The following MS4A15 variants were observed in gnomAD, a reference collection of about 807,000 sequenced individuals.
MS4A15 encodes the protein membrane spanning 4-domains A15.
MS4A15 carries 22 observed loss-of-function variants against 20.6 expected under a neutral mutation model. The observed-to-expected ratio is 1.07, with a 90% confidence interval of 0.76 to 1.52. MS4A15 has a LOEUF of 1.52. Among genes scored for constraint, MS4A15 ranks in the 40% most tolerant of loss-of-function variants. MS4A15 has a pLI of 0.00. For missense variants in MS4A15, 312 were observed against 323.0 expected, an observed-to-expected ratio of 0.97 and a Z score of 0.26; for synonymous variants, 129 against 129.3, an observed-to-expected ratio of 1.00 and a Z score of 0.02.
chr11:60,767,375 G>A (rs745889254), intron 2 of MS4A15, among the ~76,000 whole-genome samples, 158 bp from the exon 3 acceptor site: 1 of 152,220 alleles, frequency 6.6e-6, no homozygotes, highest in Non-Finnish European at 1.5e-5. Flanking sequence ...GTGTCTATTG[G>A]TTTCTGTAAT....
At chr11:60,764,299 G>T (rs1189501909) in intron 2 of MS4A15, among the ~76,000 whole-genome samples, 1 of 152,200 alleles carries the variant, frequency 6.6e-6, no homozygotes, top group Non-Finnish European at 1.5e-5. Context: ...CAAGGGAATA[G>T]CTAGTGGAAG....
intron 1 of MS4A15, among the ~76,000 whole-genome samples, chr11:60,761,852 A>G (rs1853749812): frequency 6.6e-6 from 1 of 152,232 alleles, no homozygotes; most frequent in Non-Finnish European, 1.5e-5. Context: ...TATAGAGCAG[A>G]ATCAATCCTT....
chr11:60,766,817 T>C (rs541948430), intron 2 of MS4A15, among the ~76,000 whole-genome samples: 3 of 152,354 alleles, frequency 2.0e-5, no homozygotes, highest in Middle Eastern at 3.4e-3. Context: ...TGGTGAGTAC[T>C]GGTCACTGGA....
chr11:60,762,694 A>C (rs942428978), intron 1 of MS4A15, among the ~76,000 whole-genome samples: 2 of 152,204 alleles, frequency 1.3e-5, no homozygotes, highest in Non-Finnish European at 1.5e-5. Context: ...ATAAAAGCTT[A>C]CCTCGCTTTA....
intron 2 of MS4A15, among the ~76,000 whole-genome samples, chr11:60,764,171 A>T (rs1853824515): frequency 1.3e-5 from 2 of 152,204 alleles, no homozygotes; most frequent in Non-Finnish European, 2.9e-5. Flanking sequence ...CTCCAAAGAG[A>T]AAAGTAAGGT....
intron 1 of MS4A15, among the ~76,000 whole-genome samples, chr11:60,758,444 A>G (rs1853645408): frequency 6.6e-6 from 1 of 152,244 alleles, no homozygotes. Flanking sequence ...AAGGATTGTC[A>G]GACAGCAATA....
chr11:60,768,735 A>G (rs1348838291), intron 3 of MS4A15, among the ~76,000 whole-genome samples: 1 of 152,232 alleles, frequency 6.6e-6, no homozygotes, highest in Non-Finnish European at 1.5e-5. Flanking sequence ...TGGTGAGTGG[A>G]TTACTAACGC....
intron 1 of MS4A15, among the ~76,000 whole-genome samples, chr11:60,760,961 A>G (rs2057080623): frequency 6.6e-6 from 1 of 152,160 alleles, no homozygotes; most frequent in Non-Finnish European, 1.5e-5. Flanking sequence ...TCTGGGGGTA[A>G]TTGGGAAAAC....
intron 1 of MS4A15, among the ~76,000 whole-genome samples, chr11:60,758,074 A>C (rs1430702753): frequency 6.6e-6 from 1 of 152,208 alleles, no homozygotes; most frequent in Non-Finnish European, 1.5e-5. Flanking sequence ...CAGCTGCAGA[A>C]TATACTGTGT....
rs973520089 is a variant in MS4A15 at position 60,773,943 on chromosome 11, C to T, written c.605C>T (p.Ala202Val). The T allele has an allele frequency of 1.9e-6, 3 of 1,613,170 alleles. No individual in the cohort carries two copies. The African/African-American group carries it at 4.0e-5, about 22-fold the overall frequency. Residue 202 changes from alanine (A) to valine (V), a missense_variant, in exon 6 of 7, where the codon GCC (alanine) becomes GTC (valine). By Grantham distance (64) the Ala-to-Val change is moderately conservative. Coordinates refer to ENST00000405633, the MANE Select transcript of MS4A15 (RefSeq NM_001098835.2). The part of the protein sequence containing the change: ...HFGCQAIHAQ[A>V]SAPVIFLPNA... ...GGGTGCCAAGCCATCCATGCCCAGG[C>T]CAGTGCAGTGAGTACCCCCACCCCC...
chr11:60,774,248 CA>C (rs34817845), intron 6 of MS4A15, among the ~76,000 whole-genome samples: 9,307 of 151,192 alleles, frequency 0.062, 318 homozygotes, highest in Middle Eastern at 0.11. Flanking sequence ...CCTATCGCTA[CA>C]AAAAAAAATG....
intron 2 of MS4A15, among the ~76,000 whole-genome samples, chr11:60,766,021 C>G (rs1565070811): frequency 6.6e-6 from 1 of 152,192 alleles, no homozygotes; most frequent in Non-Finnish European, 1.5e-5. Context: ...ATAGCTGGGA[C>G]ACTTCGGGCA....
At chr11:60,763,999 G>A (rs780381719) in intron 2 of MS4A15, 41 bp downstream of exon 2, 3 of 1,541,496 alleles carry the variant, frequency 1.9e-6, no homozygotes, top group Non-Finnish European at 2.7e-6. Context: ...CAGGTAGTGA[G>A]TATCCCAGCA....
chr11:60,763,714 T>C lies in MS4A15; in HGVS notation c.-20T>C. ...CATTATTATCTCCCAAGCCTTTGTT[T>C]CCCAGGCTCTCTGAGCACGATGTCT... On this transcript the variant is annotated 5_prime_UTR_variant, in exon 2 of 7. Transcript: ENST00000405633. The C allele has an allele frequency of 6.2e-7, 1 of 1,610,810 alleles. No individual in the cohort carries two copies. Among genetic ancestry groups the C allele is most frequent in the South Asian group, 1.1e-5 (1 of 90,966 alleles).
intron 4 of MS4A15, among the ~76,000 whole-genome samples, chr11:60,773,061 G>A (rs555588121): frequency 2.0e-5 from 3 of 152,220 alleles, no homozygotes; most frequent in Non-Finnish European, 4.4e-5. Flanking sequence ...TGCTGGGCCT[G>A]GGGGAGAGGG....
At position 60,776,005 on chromosome 11, in the gene MS4A15, T is replaced by C. The variant is rs1426059464; in HGVS notation, c.*290T>C. The stretch of plus-strand genomic sequence containing the variant: ...CCCACCTTGTGCATCTAAGCATTTC[T>C]CTGCTCATTGGGGAAATCCTGGCCT... On this transcript the variant is annotated 3_prime_UTR_variant, in exon 7 of 7. Coordinates refer to ENST00000405633, the MANE Select transcript of MS4A15 (RefSeq NM_001098835.2). 7.4e-6 allele frequency: 2 copies of C among 270,284 alleles called. No individual in the cohort carries two copies. Among genetic ancestry groups the C allele is most frequent in the Non-Finnish European group, 1.4e-5 (2 of 141,676 alleles). The allele number at this position is 270,284 out of a possible 1,614,324, so 16.7% of individuals were successfully genotyped here. A position where few individuals can be genotyped will look rare whatever the true frequency, so the allele number is the denominator to read the frequency against.
chr11:60,774,660 T>C (rs939726504), intron 6 of MS4A15, among the ~76,000 whole-genome samples: 1 of 151,968 alleles, frequency 6.6e-6, no homozygotes, highest in African/African-American at 2.4e-5. Flanking sequence ...ATGATAGAGA[T>C]GGAAATTAAG....
At chr11:60,760,860 G>A (rs1266377829) in intron 1 of MS4A15, among the ~76,000 whole-genome samples, 2 of 152,200 alleles carry the variant, frequency 1.3e-5, no homozygotes, top group Non-Finnish European at 2.9e-5. Flanking sequence ...GACATTACCT[G>A]GGGACAGCTA....
At chr11:60,773,767 T>C (rs1565074825) in intron 5 of MS4A15, 70 bp from the exon 6 acceptor site, 3 of 1,285,244 alleles carry the variant, frequency 2.3e-6, no homozygotes, top group Non-Finnish European at 3.4e-6. Context: ...CTTGGGCAAG[T>C]GGTTCTCACT....
Sources: gnomAD v4.1 joint callset for allele counts (sites outside exome capture counted in the v4.1 genomes callset) on GRCh38, gnomAD v4.1.1 for gene constraint, MANE v1.5 for transcripts, NCBI Gene and HGNC (gene_info 2026-07-23, HGNC 2026-07-21) for gene names.